Variants in AGAP1 observed in about 807,000 individuals in gnomAD.
AGAP1 encodes the protein arf-GAP with GTPase, ANK repeat and PH domain-containing protein 1.
A neutral mutation model predicts 105.3 loss-of-function variants in AGAP1; 29 were observed. The observed-to-expected ratio is 0.28, with a 90% CI of 0.21 to 0.38. The LOEUF (loss-of-function observed/expected upper bound fraction) is 0.38, where lower values mean the gene tolerates loss of function less well. AGAP1 is among the 10% of genes least tolerant of loss of function. The pLI, the probability that AGAP1 is intolerant of heterozygous loss-of-function variation, is 1.00. For missense variants in AGAP1, 998 were observed against 1,165.1 expected (o/e 0.86, Z 2.09); for synonymous variants, 509 against 485.9 (o/e 1.05, Z -0.63).
chr2:235,647,348 C>T (rs1473702626), intron 1 of AGAP1, among the ~76,000 whole-genome samples: 4 of 152,212 alleles, frequency 2.6e-5, no homozygotes, highest in Non-Finnish European at 5.9e-5. Context: ...TTGAAGCCTT[C>T]GAACTTGCTT....
At chr2:235,589,186 A>ATTTTTT (rs1559270688) in intron 1 of AGAP1, among the ~76,000 whole-genome samples, 5 of 35,116 alleles carry the variant, frequency 1.4e-4, no homozygotes, top group Admixed American at 3.2e-4. Context: ...TTAATAGCTT[A>ATTTTTT]TTGTTTTGTT....
chr2:235,852,154 T>C (rs2048493078), intron 9 of AGAP1, among the ~76,000 whole-genome samples: 2 of 152,172 alleles, frequency 1.3e-5, no homozygotes, highest in Admixed American at 1.3e-4. Flanking sequence ...GAGTGCTCAT[T>C]TTTCCCCCGT....
chr2:235,735,211 T>G (rs1461814908), intron 3 of AGAP1, among the ~76,000 whole-genome samples: 2 of 152,216 alleles, frequency 1.3e-5, no homozygotes, highest in African/African-American at 4.8e-5. Context: ...TGGAGGACTG[T>G]TAATGATACG....
At chr2:235,613,123 G>A (rs1946194062) in intron 1 of AGAP1, among the ~76,000 whole-genome samples, 2 of 151,536 alleles carry the variant, frequency 1.3e-5, no homozygotes, top group Non-Finnish European at 2.9e-5. Context: ...TGCCTCCTGA[G>A]TAGCTGGGAT....
chr2:235,719,340 C>T lies in AGAP1; in HGVS notation c.310+1696C>T, dbSNP rs1039284248. Among the ~76,000 whole-genome samples the T allele has an allele frequency of 1.3e-5, 2 of 152,140 alleles. No individual in the cohort carries two copies. The highest frequency in any genetic ancestry group is 4.8e-5 in the African/African-American group (2 of 41,412). On this transcript the variant is annotated intron_variant, in intron 3 of 17. Transcript: ENST00000304032. The surrounding 1 kb of genome is among the most constrained non-coding windows in gnomAD (Gnocchi z 4.9). ...CTATTTGGTCATTTTTGTGGCTTTT[C>T]GCTGTTTTCCCTTTGGGCATTCACA...
Position 235,777,866 on chromosome 2 carries a change from T to C in AGAP1, c.674-19893T>C, listed in dbSNP as rs1017432309. ...TGTATTTATTGGATATTAGTGGGTT[T>C]ATGGGGTTTATCTGTTGTATGTTAC... On this transcript the variant is annotated intron_variant, in intron 6 of 17. Coordinates refer to ENST00000304032, the MANE Select transcript of AGAP1 (RefSeq NM_001037131.3). This position sits in a 1 kb window ranked among gnomAD's most constrained non-coding sequence, Gnocchi z 5.1. Among the ~76,000 whole-genome samples, 7 of 152,152 alleles carry C rather than the reference T, an allele frequency of 4.6e-5. No individual in the cohort carries two copies. Among genetic ancestry groups the C allele is most frequent in the Admixed American group, 3.9e-4 (6 of 15,290 alleles).
chr2:235,527,650 A>C (rs1349936638), intron 1 of AGAP1, among the ~76,000 whole-genome samples: 1 of 152,156 alleles, frequency 6.6e-6, no homozygotes, highest in Admixed American at 6.6e-5. Flanking sequence ...AGCGTCCCGA[A>C]GTGCTGGAAT....
At chr2:235,560,305 T>G (rs1157461488) in intron 1 of AGAP1, among the ~76,000 whole-genome samples, 1 of 152,128 alleles carries the variant, frequency 6.6e-6, no homozygotes, top group Admixed American at 6.5e-5. Flanking sequence ...TTTTCTCTTC[T>G]TTCTTTCTCT....
intron 11 of AGAP1, among the ~76,000 whole-genome samples, chr2:235,914,840 C>T (rs2051794276): frequency 6.6e-6 from 1 of 152,164 alleles, no homozygotes. Context: ...GAGAGCTGGC[C>T]AGTGTTGTCC....
rs1943195591 is a variant in AGAP1, at chr2:235,535,801, G to T, written c.163+40952G>T. On this transcript the variant is annotated intron_variant, in intron 1 of 17. Coordinates refer to ENST00000304032, the MANE Select transcript of AGAP1 (RefSeq NM_001037131.3). The surrounding 1 kb of genome is among the most constrained non-coding windows in gnomAD (Gnocchi z 5.1). Reference sequence around the variant, plus strand: ...GTGGGCTCAGTCTCTGCATAGCCCGGCAGGCAGCGGCTCTGCTTTCCAGAA... The same window carrying T: ...GTGGGCTCAGTCTCTGCATAGCCCGTCAGGCAGCGGCTCTGCTTTCCAGAA... Among the ~76,000 whole-genome samples, 1 of 151,998 alleles carries T rather than the reference G, an allele frequency of 6.6e-6. No individual in the cohort carries two copies. Among genetic ancestry groups the T allele is most frequent in the South Asian group, 2.1e-4 (1 of 4,792 alleles).
chr2:235,797,951 A>G, intron 7 of AGAP1, 65 bp downstream of exon 7: 3 of 1,565,720 alleles, frequency 1.9e-6, no homozygotes, highest in Non-Finnish European at 2.6e-6. Flanking sequence ...TAGTGTTCCC[A>G]GCCAATGCTA....
intron 9 of AGAP1, among the ~76,000 whole-genome samples, chr2:235,846,934 C>A (rs1237078077): frequency 6.6e-6 from 1 of 152,182 alleles, no homozygotes; most frequent in Non-Finnish European, 1.5e-5. Flanking sequence ...GGTCTGGTTC[C>A]ACAGTTTTGA....
In AGAP1 at chr2:235,758,608, C is replaced by T. The variant is rs116431232; in HGVS notation, c.673+8120C>T. Among the ~76,000 whole-genome samples the T allele has an allele frequency of 2.9e-3, 443 of 152,226 alleles. 1 individual carries two copies. The highest frequency in any genetic ancestry group is 0.01 in the African/African-American group (417 of 41,518). On this transcript the variant is annotated intron_variant, in intron 6 of 17. Transcript: ENST00000304032. ...GTATTGGGACAGTATGAAAGAGGTT[C>T]AGCTGCTTAAATTACACTTCATTAA...
At chr2:235,836,251 T>C (rs1346364392) in intron 9 of AGAP1, among the ~76,000 whole-genome samples, 2 of 152,198 alleles carry the variant, frequency 1.3e-5, no homozygotes, top group Non-Finnish European at 2.9e-5. Flanking sequence ...TTGCCATAAA[T>C]TTTCCATTAC....
intron 1 of AGAP1, among the ~76,000 whole-genome samples, chr2:235,562,711 G>A (rs74674030): frequency 9.4e-4 from 143 of 152,290 alleles, no homozygotes; most frequent in African/African-American, 2.5e-3. Context: ...CCGGTCCTCT[G>A]CAGCTGGGTG....
Position 235,611,613 on chromosome 2 carries a change from CTGA to C in AGAP1, c.164-97565_164-97563del, listed in dbSNP as rs1946127944. On this transcript the variant is annotated intron_variant, in intron 1 of 17. Coordinates refer to ENST00000304032, the MANE Select transcript of AGAP1 (RefSeq NM_001037131.3). The surrounding 1 kb of genome is among the most constrained non-coding windows in gnomAD (Gnocchi z 5.0). ...GAGAATCCCTCTCCACATGTGTTCT[CTGA>C]ACAGGGAGCCCAGGGAGGCTTGGAT... is the stretch of plus-strand genomic sequence containing the variant. 6.6e-6 allele frequency among the ~76,000 whole-genome samples: 1 copy of C among 152,146 alleles called. No homozygotes were observed. The highest frequency in any genetic ancestry group is 6.5e-5 in the Admixed American group (1 of 15,278).
intron 17 of AGAP1, among the ~76,000 whole-genome samples, chr2:236,122,078 A>G (rs2059913388): frequency 6.8e-6 from 1 of 147,640 alleles, no homozygotes; most frequent in Non-Finnish European, 1.5e-5. Flanking sequence ...TAGCCTCCCA[A>G]GTAATTGGGA....
Position 236,036,819 on chromosome 2 carries a change from A to G in AGAP1, c.1800+104A>G. The G allele has an allele frequency of 6.7e-7, 1 of 1,500,724 alleles. No individual in the cohort carries two copies. The highest frequency in any genetic ancestry group is 2.3e-5 in the East Asian group (1 of 43,846). The allele number at this position is 1,500,724 out of a possible 1,614,324, so 93.0% of individuals were successfully genotyped here. ...AGAAAATAGAGGACCAGTGTGAATG[A>G]CAGGACCTAGCTATTCTTTATGAGC... is the stretch of plus-strand genomic sequence containing the variant. On this transcript the variant is annotated intron_variant, in intron 14 of 17. Transcript: ENST00000304032. The surrounding 1 kb of genome is among the most constrained non-coding windows in gnomAD (Gnocchi z 5.7).
chr2:235,630,447 G>A (rs1170404571), intron 1 of AGAP1, among the ~76,000 whole-genome samples: 3 of 152,128 alleles, frequency 2.0e-5, no homozygotes, highest in African/African-American at 7.2e-5. Flanking sequence ...CTGACCTCAG[G>A]TGATCCACCT....
Sources: allele counts gnomAD v4.1 joint callset (sites outside exome capture counted in the v4.1 genomes callset), GRCh38; gene constraint gnomAD v4.1.1; non-coding constraint Gnocchi (gnomAD v3.1); transcripts MANE v1.5; gene names NCBI Gene and HGNC (gene_info 2026-07-23, HGNC 2026-07-21).